FNBP4: variants seen among roughly 807,000 people sequenced by gnomAD.
FNBP4 encodes the protein formin-binding protein 4.
FNBP4 carries 34 observed loss-of-function variants against 119.3 expected under a neutral mutation model. That is an observed-to-expected ratio of 0.28 (90% CI 0.22 to 0.38). The LOEUF (loss-of-function observed/expected upper bound fraction) is 0.38. Ranked by LOEUF, FNBP4 falls within the 10% of genes least tolerant of loss-of-function variation. FNBP4 has a pLI of 1.00. For missense variants in FNBP4, 1,112 were observed against 1,228.9 expected, an observed-to-expected ratio of 0.90 and a Z score of 1.42; for synonymous variants, 462 against 430.6, an observed-to-expected ratio of 1.07 and a Z score of -0.90.
chr11:47,761,067 T>C (rs1434753345), intron 2 of FNBP4, among the ~76,000 whole-genome samples: 1 of 152,142 alleles, frequency 6.6e-6, no homozygotes, highest in Non-Finnish European at 1.5e-5. Context: ...AAGCAAATCA[T>C]AGGACATACC....
At chr11:47,757,757 G>C (rs953657620) in intron 2 of FNBP4, among the ~76,000 whole-genome samples, 1 of 152,146 alleles carries the variant, frequency 6.6e-6, no homozygotes, top group Non-Finnish European at 1.5e-5. Flanking sequence ...GCCTCCCAAA[G>C]TGCTGGGACT....
At position 47,734,122 on chromosome 11, in the gene FNBP4, A is replaced by G; in HGVS notation, c.1589T>C (p.Ile530Thr). The G allele has an allele frequency of 6.4e-7, 1 of 1,573,666 alleles. No individual in the cohort carries two copies. The highest frequency in any genetic ancestry group is 8.6e-7 in the Non-Finnish European group (1 of 1,165,422). ...TGTCAGGGTATTTGCCAGTTCTCCA[A>G]TCTGAAACTACAATGCAAAAAAGAA... Reference protein sequence around the residue: ...VEEEQDLKFQIGELANTLTSK... With the variant: ...VEEEQDLKFQTGELANTLTSK... Residue 530 changes from isoleucine to threonine, a missense_variant, in exon 10 of 17, where the codon ATT (isoleucine) becomes ACT (threonine). Physicochemically the swap from Ile to Thr is moderately conservative, Grantham distance 89. Transcript: ENST00000263773.
At chr11:47,724,909 A>C in intron 12 of FNBP4, 131 bp from the exon 13 acceptor site, 4 of 1,312,300 alleles carry the variant, frequency 3.0e-6, no homozygotes, top group Non-Finnish European at 4.0e-6. Flanking sequence ...ACAATACAGA[A>C]TGTGGTGTCA....
rs1565117465 is a variant in FNBP4 at position 47,719,922 on chromosome 11, CT to C, written c.2963+6del. The C allele has an allele frequency of 1.1e-5, 17 of 1,613,464 alleles. No homozygotes were observed. Among genetic ancestry groups the C allele is most frequent in the Non-Finnish European group, 1.4e-5 (17 of 1,179,682 alleles). On this transcript the variant is annotated splice_donor_region_variant and intron_variant, in intron 16 of 16. Coordinates refer to ENST00000263773, the MANE Select transcript of FNBP4 (RefSeq NM_015308.5). The stretch of plus-strand genomic sequence containing the variant: ...CCCCATCTCATCTGTGTTTCCTTTT[CT>C]TTTACCTAACCAGCTGCTGCTGTTT...
In FNBP4 at chr11:47,732,066, GA is replaced by G. The variant is rs962634789; in HGVS notation, c.1820+470del. On this transcript the variant is annotated intron_variant, in intron 11 of 16. Coordinates refer to ENST00000263773, the MANE Select transcript of FNBP4 (RefSeq NM_015308.5). The surrounding 1 kb of genome is among the most constrained non-coding windows in gnomAD (Gnocchi z 4.2). ...TAAAAGAGCAAAGATTTCAAATAAC[GA>G]AAAAAAAATCAAGAAAAGCCAAATA... 11 of 988,430 alleles carry G rather than the reference GA, an allele frequency of 1.1e-5. No individual in the cohort carries two copies. The highest frequency in any genetic ancestry group is 1.1e-4 in the East Asian group (1 of 8,918). 61.2% of individuals were successfully genotyped at this position (988,430 alleles called of 1,614,324 possible).
intron 1 of FNBP4, among the ~76,000 whole-genome samples, chr11:47,766,416 G>C (rs2097647878): frequency 6.6e-6 from 1 of 152,180 alleles, no homozygotes; most frequent in Admixed American, 6.5e-5. Context: ...ACCTTTACAA[G>C]ACACACCAAA....
chr11:47,731,509 C>G lies in FNBP4; in HGVS notation c.1873G>C (p.Glu625Gln). 1 of 1,613,910 alleles carries G rather than the reference C, an allele frequency of 6.2e-7. No homozygotes were observed. The change falls in exon 12 of 17, where the codon GAG (glutamate) becomes CAG (glutamine). Residue 625 changes from glutamate (E) to glutamine (Q), a missense_variant. Physicochemically the swap from Glu to Gln is conservative, Grantham distance 29. Around this residue, in one of 2 missense-constraint regions of FNBP4, gnomAD observed 826 missense variants for 988.8 expected, o/e 0.84. Transcript: ENST00000263773. Reference sequence around the variant, plus strand: ...TCTTCCTCTTCACCATCTGGAAACTCCCACTGAGACTCGCCCGACTGTTCG... The same window carrying G: ...TCTTCCTCTTCACCATCTGGAAACTGCCACTGAGACTCGCCCGACTGTTCG... ...VNEQSGESQW[E>Q]FPDGEEEEEE...
chr11:47,758,491 C>T (rs1238191700), intron 2 of FNBP4, among the ~76,000 whole-genome samples: 1 of 152,218 alleles, frequency 6.6e-6, no homozygotes, highest in East Asian at 1.9e-4. Flanking sequence ...TGTGAGCCAC[C>T]TCGTCTGACC....
Position 47,767,194 on chromosome 11 carries a change from T to TCCGGGTCCCGGCC in FNBP4, c.82_94dup (p.Glu32GlyfsTer11). On this transcript the variant is annotated frameshift_variant, in exon 1 of 17. Coordinates refer to ENST00000263773, the MANE Select transcript of FNBP4 (RefSeq NM_015308.5). LOFTEE classifies it high-confidence loss of function. ...GTCCGGCTCAGTGTCGGGTTCCGGCTCCGGGTCCCGGCCCGGCGTGCTGCC... is the reference window on the plus strand; with the variant it reads ...GTCCGGCTCAGTGTCGGGTTCCGGCTCCGGGTCCCGGCCCCGGGTCCCGGCCCGGCGTGCTGCC... 1 of 1,561,824 alleles carries TCCGGGTCCCGGCC rather than the reference T, an allele frequency of 6.4e-7. No individual in the cohort carries two copies. Among genetic ancestry groups the TCCGGGTCCCGGCC allele is most frequent in the Non-Finnish European group, 8.6e-7 (1 of 1,159,838 alleles).
In FNBP4 at chr11:47,767,302, G is replaced by A. The variant is rs2135315055; in HGVS notation, c.-14C>T. On this transcript the variant is annotated 5_prime_UTR_variant, in exon 1 of 17. Coordinates refer to ENST00000263773, the MANE Select transcript of FNBP4 (RefSeq NM_015308.5). ...CTTCTTCCCCATCGCGAGCCCAAGCGCGAGCAGAGAGCGTCGGGCGGCCGA... is the reference window on the plus strand; with the variant it reads ...CTTCTTCCCCATCGCGAGCCCAAGCACGAGCAGAGAGCGTCGGGCGGCCGA... The A allele has an allele frequency of 6.7e-7, 1 of 1,491,162 alleles. No homozygotes were observed. The highest frequency in any genetic ancestry group is 8.9e-7 in the Non-Finnish European group (1 of 1,127,042). The allele number at this position is 1,491,162 out of a possible 1,614,324, so 92.4% of individuals were successfully genotyped here. A position where few individuals can be genotyped will look rare whatever the true frequency, so the allele number is the denominator to read the frequency against.
chr11:47,737,382 A>C (rs573704637), intron 8 of FNBP4, among the ~76,000 whole-genome samples: 48 of 152,266 alleles, frequency 3.2e-4, no homozygotes, highest in Middle Eastern at 3.4e-3. Context: ...AGCAAACCTG[A>C]GTATGTAAGA....
intron 15 of FNBP4, among the ~76,000 whole-genome samples, chr11:47,722,340 C>T (rs577887130): frequency 1.5e-3 from 231 of 151,808 alleles, no homozygotes; most frequent in Non-Finnish European, 2.5e-3. Flanking sequence ...CCTCAGCCTC[C>T]CAGGTTCAAG....
Position 47,767,335 on chromosome 11 carries a change from G to T in FNBP4, c.-47C>A, listed in dbSNP as rs1410975656. ...AGAGCGTCGGGCGGCCGAGAGGGGC[G>T]GGCACTGGAGGCTGGGCGCTGGGCC... is the stretch of plus-strand genomic sequence containing the variant. On this transcript the variant is annotated 5_prime_UTR_variant, in exon 1 of 17. Coordinates refer to ENST00000263773, the MANE Select transcript of FNBP4 (RefSeq NM_015308.5). The T allele has an allele frequency of 3.5e-6, 5 of 1,421,940 alleles. No individual in the cohort carries two copies. Among genetic ancestry groups the T allele is most frequent in the Non-Finnish European group, 4.6e-6 (5 of 1,092,772 alleles). 88.1% of individuals were successfully genotyped at this position (1,421,940 alleles called of 1,614,324 possible).
At chr11:47,748,269 T>C (rs951000223) in intron 6 of FNBP4, among the ~76,000 whole-genome samples, 16 of 151,102 alleles carry the variant, frequency 1.1e-4, no homozygotes, top group Non-Finnish European at 2.1e-4. Context: ...AAATAAAAAA[T>C]AAAAATAAAA....
At position 47,717,385 on chromosome 11, in the gene FNBP4, C is replaced by T. The variant is rs981112041; in HGVS notation, c.*37G>A. ...TTAAGACTTTGAACTGAACACAAAA[C>T]AAACAATAATACAAAAAAGTTTTAA... On this transcript the variant is annotated 3_prime_UTR_variant, in exon 17 of 17. Coordinates refer to ENST00000263773, the MANE Select transcript of FNBP4 (RefSeq NM_015308.5). 21 of 1,412,110 alleles carry T rather than the reference C, an allele frequency of 1.5e-5. No homozygotes were observed. Among genetic ancestry groups the T allele is most frequent in the Middle Eastern group, 1.8e-4 (1 of 5,582 alleles). The allele number at this position is 1,412,110 out of a possible 1,614,324, so 87.5% of individuals were successfully genotyped here.
At chr11:47,730,755 T>C (rs1488339702) in intron 12 of FNBP4, among the ~76,000 whole-genome samples, 1 of 152,198 alleles carries the variant, frequency 6.6e-6, no homozygotes, top group African/African-American at 2.4e-5. Flanking sequence ...AAGCCTATCT[T>C]TTAAAAAATG....
chr11:47,753,432 G>A (rs1012208252), intron 3 of FNBP4, among the ~76,000 whole-genome samples: 1 of 152,138 alleles, frequency 6.6e-6, no homozygotes, highest in Non-Finnish European at 1.5e-5. Flanking sequence ...CCAATATGGT[G>A]AAAACTTGTC....
chr11:47,744,337 G>T (rs979187906), intron 7 of FNBP4, among the ~76,000 whole-genome samples, 174 bp from the exon 8 acceptor site: 1 of 151,876 alleles, frequency 6.6e-6, no homozygotes, highest in East Asian at 1.9e-4. Flanking sequence ...GCAGTGGCAT[G>T]ATCATGGCTC....
rs747557812 is a variant in FNBP4, at chr11:47,765,369, T to TA, written c.221-8dup. ...TGCACCGCTTCCTGTTCATCTGGATTAAAAAAAAAGAAAAGAAAAGAAAAG... is the reference window on the plus strand; with the variant it reads ...TGCACCGCTTCCTGTTCATCTGGATTAAAAAAAAAAGAAAAGAAAAGAAAAG... On this transcript the variant is annotated splice_region_variant and splice_polypyrimidine_tract_variant and intron_variant, in intron 1 of 16. Coordinates refer to ENST00000263773, the MANE Select transcript of FNBP4 (RefSeq NM_015308.5). The TA allele has an allele frequency of 6.3e-5, 76 of 1,204,418 alleles. No individual in the cohort carries two copies. The highest frequency in any genetic ancestry group is 1.9e-4 in the South Asian group (13 of 67,670). The allele number at this position is 1,204,418 out of a possible 1,614,324, so 74.6% of individuals were successfully genotyped here.
Sources: allele counts gnomAD v4.1 joint callset (sites outside exome capture counted in the v4.1 genomes callset), GRCh38; gene constraint gnomAD v4.1.1; regional missense constraint gnomAD v4.1.1; non-coding constraint Gnocchi (gnomAD v3.1); transcripts MANE v1.5; gene names NCBI Gene and HGNC (gene_info 2026-07-23, HGNC 2026-07-21).